Variants in ZNF676 observed in about 807,000 individuals in gnomAD.
ZNF676 encodes zinc finger protein 676.
ZNF676 carries 4 observed loss-of-function variants against 6.0 expected under a neutral mutation model. The observed-to-expected ratio is 0.67, with a 90% CI of 0.33 to 1.53. The LOEUF (loss-of-function observed/expected upper bound fraction) is 1.53. Ranked by LOEUF, ZNF676 falls within the 40% of genes most tolerant of loss-of-function variation. ZNF676 has a pLI of 0.06. For synonymous variants in ZNF676, 198 were observed against 223.1 expected (o/e 0.89, Z 1.00); for missense variants, 644 against 679.7 (o/e 0.95, Z 0.58).
chr19:22,203,735 T>C (rs907006276), intron 1 of ZNF676: 2 of 152,202 alleles, frequency 1.3e-5, no homozygotes, highest in African/African-American at 4.8e-5. Flanking sequence ...GCTGGGACTA[T>C]AGACACACAC....
chr19:22,249,600 C>T, the ZNF676 span, among the ~76,000 whole-genome samples: 1,866 of 151,912 alleles, frequency 0.012, 43 homozygotes, highest in African/African-American at 0.043. Flanking sequence ...TTAGTAGAGA[C>T]GGGGTTTCTC....
At chr19:22,223,217 C>T in the ZNF676 span, among the ~76,000 whole-genome samples, 1 of 152,052 alleles carries the variant, frequency 6.6e-6, no homozygotes, top group Non-Finnish European at 1.5e-5. Context: ...AGTTTGCCAC[C>T]TTAGTGGAAG....
the ZNF676 span, among the ~76,000 whole-genome samples, chr19:22,253,400 ATG>A: frequency 0.14 from 6,743 of 46,682 alleles, 743 homozygotes; most frequent in African/African-American, 0.32. Context: ...ATATATGATA[ATG>A]TGTATATATA....
chr19:22,213,812 T>C (rs1324088697), intron 1 of ZNF676, among the ~76,000 whole-genome samples: 1 of 152,176 alleles, frequency 6.6e-6, no homozygotes, highest in Admixed American at 6.5e-5. Flanking sequence ...GACACAGCCA[T>C]GGCCAGTATC....
At chr19:22,182,849 A>C (rs2023779664) in intron 2 of ZNF676, among the ~76,000 whole-genome samples, 1 of 150,848 alleles carries the variant, frequency 6.6e-6, no homozygotes, top group African/African-American at 2.4e-5. Context: ...TGCACACACA[A>C]AAAAATTGAA....
chr19:22,229,629 C>T, the ZNF676 span, among the ~76,000 whole-genome samples: 1 of 152,044 alleles, frequency 6.6e-6, no homozygotes, highest in South Asian at 2.1e-4. Flanking sequence ...TATCCAGGCT[C>T]TACAAAGAAC....
At chr19:22,251,172 T>C in the ZNF676 span, among the ~76,000 whole-genome samples, 1 of 152,250 alleles carries the variant, frequency 6.6e-6, no homozygotes, top group Non-Finnish European at 1.5e-5. Context: ...AACATAGTTA[T>C]ATCAAAGCCA....
chr19:22,236,682 TTC>T, the ZNF676 span, among the ~76,000 whole-genome samples: 3 of 152,204 alleles, frequency 2.0e-5, no homozygotes, highest in Non-Finnish European at 4.4e-5. Context: ...GGGGCCATGA[TTC>T]TCTGTTTTTA....
upstream of ZNF676, among the ~76,000 whole-genome samples, chr19:22,217,599 TTC>T (rs1260921715): frequency 1.1e-5 from 1 of 88,928 alleles, no homozygotes; most frequent in Non-Finnish European, 2.1e-5. Flanking sequence ...TAGTTCTTTT[TTC>T]CTTTTTTTTT....
At chr19:22,251,289 T>C in the ZNF676 span, among the ~76,000 whole-genome samples, 1 of 152,238 alleles carries the variant, frequency 6.6e-6, no homozygotes, top group Admixed American at 6.5e-5. Context: ...AGTTTTACCA[T>C]GATTTGTCTT....
rs2023699367 is a variant in ZNF676 at position 22,179,672 on chromosome 19, T to TG, written c.*277dup. On this transcript the variant is annotated 3_prime_UTR_variant, in exon 3 of 3. Coordinates refer to ENST00000397121, the MANE Select transcript of ZNF676 (RefSeq NM_001001411.3). ...TGAGTAGTAAGGTGTGAGGAACAGT[T>TG]GAAGTCTTTATCACATTCTTCGCAT... The TG allele has an allele frequency of 9.2e-6, 6 of 653,002 alleles. No individual in the cohort carries two copies. In the Admixed American group the frequency reaches 1.4e-4, roughly 16 times the overall value. 40.5% of individuals were successfully genotyped at this position (653,002 alleles called of 1,614,324 possible). A position where few individuals can be genotyped will look rare whatever the true frequency, so the allele number is the denominator to read the frequency against.
chr19:22,207,297 A>C (rs2024085715), intron 1 of ZNF676, among the ~76,000 whole-genome samples: 1 of 152,236 alleles, frequency 6.6e-6, no homozygotes, highest in Admixed American at 6.5e-5. Flanking sequence ...CTATATATCA[A>C]GAACACCTAG....
chr19:22,197,318 CAAA>C (rs35429094), upstream of ZNF676, among the ~76,000 whole-genome samples: 7 of 109,584 alleles, frequency 6.4e-5, no homozygotes, highest in East Asian at 2.5e-4. Context: ...AACTCCATCT[CAAA>C]AAAAAAAAAA....
At chr19:22,239,083 T>C in the ZNF676 span, among the ~76,000 whole-genome samples, 5 of 152,296 alleles carry the variant, frequency 3.3e-5, no homozygotes, top group African/African-American at 1.2e-4. Flanking sequence ...ATCTCTCCAT[T>C]TGGCTGAGTC....
the ZNF676 span, among the ~76,000 whole-genome samples, chr19:22,241,452 G>T: frequency 1.3e-5 from 2 of 151,882 alleles, no homozygotes; most frequent in African/African-American, 4.9e-5. Flanking sequence ...ATGGATCAGA[G>T]CCACATATAA....
At chr19:22,235,334 C>T in the ZNF676 span, among the ~76,000 whole-genome samples, 1 of 152,160 alleles carries the variant, frequency 6.6e-6, no homozygotes, top group Non-Finnish European at 1.5e-5. Context: ...GCAGAGCCTT[C>T]TTCTTTTCTG....
At chr19:22,217,651 C>T (rs1299663982), upstream of ZNF676, among the ~76,000 whole-genome samples, 2 of 151,588 alleles carry the variant, frequency 1.3e-5, no homozygotes, top group South Asian at 2.1e-4. Context: ...CATAAGCCAC[C>T]GTGCCTGGCC....
At chr19:22,222,175 G>A in the ZNF676 span, among the ~76,000 whole-genome samples, 1 of 152,064 alleles carries the variant, frequency 6.6e-6, no homozygotes, top group Non-Finnish European at 1.5e-5. Flanking sequence ...TGTGATCTTG[G>A]CTCACTTGCA....
chr19:22,215,770 A>C (rs1357636228), exon 1 of ZNF676: 6 of 1,116,832 alleles, frequency 5.4e-6, no homozygotes, highest in South Asian at 4.5e-5. Flanking sequence ...GAGACAAAGG[A>C]CCGACCACAT....
Sources: gnomAD v4.1 joint callset for allele counts (sites outside exome capture counted in the v4.1 genomes callset) on GRCh38, gnomAD v4.1.1 for gene constraint, MANE v1.5 for transcripts, NCBI Gene and HGNC (gene_info 2026-07-23, HGNC 2026-07-21) for gene names.